The following TSPAN5 variants were observed in gnomAD, a reference collection of about 807,000 sequenced individuals.
TSPAN5 encodes tetraspanin-5.
Under a neutral mutation model 37.1 loss-of-function variants are expected in TSPAN5, and 10 were observed. That is an observed-to-expected ratio of 0.27 (90% CI 0.17 to 0.46). TSPAN5 has a LOEUF of 0.46. Ranked by LOEUF, TSPAN5 falls within the 20% of genes least tolerant of loss-of-function variation. The pLI is 1.00. For missense variants in TSPAN5, 195 were observed against 326.6 expected (o/e 0.60, Z 3.11); for synonymous variants, 110 against 118.9 (o/e 0.93, Z 0.48).
rs184927713 is a variant in TSPAN5 at position 98,642,640 on chromosome 4, T to A, written c.81+15506A>T. On this transcript the variant is annotated intron_variant, in intron 1 of 7. Coordinates refer to ENST00000305798, the MANE Select transcript of TSPAN5 (RefSeq NM_005723.4). ...CACATATCTACAGTCCCACACTACA[T>A]AACGACATTTTAATCAATGACGGAA... 1.1e-3 allele frequency among the ~76,000 whole-genome samples: 166 copies of A among 152,244 alleles called. 1 individual carries two copies. Among genetic ancestry groups the A allele is most frequent in the African/African-American group, 3.8e-3 (159 of 41,568 alleles).
chr4:98,470,566 C>T lies in TSPAN5; in HGVS notation c.*1956G>A, dbSNP rs543034109. On this transcript the variant is annotated 3_prime_UTR_variant, in exon 8 of 8. Coordinates refer to ENST00000305798, the MANE Select transcript of TSPAN5 (RefSeq NM_005723.4). The stretch of plus-strand genomic sequence containing the variant: ...GTTCACTGGAGAATGAGGCAATCAA[C>T]AAAAAAGACAAATGATGCCAACTGG... The T allele has an allele frequency of 6.6e-6, 1 of 152,252 alleles. No homozygotes were observed. The highest frequency in any genetic ancestry group is 1.5e-5 in the Non-Finnish European group (1 of 68,012). 9.4% of individuals were successfully genotyped at this position (152,252 alleles called of 1,614,324 possible).
chr4:98,573,972 T>C (rs777047771), intron 1 of TSPAN5, among the ~76,000 whole-genome samples: 1 of 152,154 alleles, frequency 6.6e-6, no homozygotes, highest in Non-Finnish European at 1.5e-5. Context: ...ACAAAATTAA[T>C]CTGATCCTTG....
intron 1 of TSPAN5, among the ~76,000 whole-genome samples, chr4:98,524,172 C>T (rs1753912199): frequency 6.6e-6 from 1 of 152,182 alleles, no homozygotes; most frequent in African/African-American, 2.4e-5. Flanking sequence ...ACCGAAATAG[C>T]ATATACTATG....
At chr4:98,475,218 G>T in intron 7 of TSPAN5, among the ~76,000 whole-genome samples, 1 of 152,182 alleles carries the variant, frequency 6.6e-6, no homozygotes, top group East Asian at 1.9e-4. Context: ...TTACAATTTT[G>T]ATAGGGATTA....
At chr4:98,533,540 T>C (rs1470567711) in intron 1 of TSPAN5, among the ~76,000 whole-genome samples, 3 of 124,886 alleles carry the variant, frequency 2.4e-5, no homozygotes, top group Non-Finnish European at 4.9e-5. Flanking sequence ...ATATCCCCTA[T>C]ATCTTTTTTT....
intron 3 of TSPAN5, chr4:98,485,486 A>G (rs1415283006): frequency 1.3e-5 from 2 of 152,208 alleles, no homozygotes; most frequent in Non-Finnish European, 2.9e-5. Flanking sequence ...GGTCCCATGT[A>G]TCCACAAGAG....
chr4:98,639,350 C>T (rs559592922), intron 1 of TSPAN5, among the ~76,000 whole-genome samples: 37 of 152,288 alleles, frequency 2.4e-4, no homozygotes, highest in Non-Finnish European at 3.7e-4. Flanking sequence ...CAAGGTTTTG[C>T]TCTGTCGCCC....
chr4:98,598,810 G>A (rs1755817589), intron 1 of TSPAN5, among the ~76,000 whole-genome samples: 1 of 152,122 alleles, frequency 6.6e-6, no homozygotes, highest in African/African-American at 2.4e-5. Flanking sequence ...GTATTTGAGA[G>A]AGAGTCTCAT....
At chr4:98,521,417 T>C (rs1025042382) in intron 1 of TSPAN5, among the ~76,000 whole-genome samples, 2 of 152,210 alleles carry the variant, frequency 1.3e-5, no homozygotes, top group East Asian at 3.9e-4. Context: ...ATGTATCACC[T>C]GGCCCTCTCT....
chr4:98,636,180 T>C (rs1421490691), intron 1 of TSPAN5, among the ~76,000 whole-genome samples: 1 of 152,190 alleles, frequency 6.6e-6, no homozygotes, highest in Non-Finnish European at 1.5e-5. Context: ...AATAAGGGCA[T>C]AATGTGGCAG....
At chr4:98,549,200 C>T (rs1268843738) in intron 1 of TSPAN5, among the ~76,000 whole-genome samples, 9 of 152,176 alleles carry the variant, frequency 5.9e-5, no homozygotes, top group African/African-American at 2.2e-4. Context: ...CACATGCTCA[C>T]CAACATCTGT....
At chr4:98,536,006 C>A (rs1754224042) in intron 1 of TSPAN5, among the ~76,000 whole-genome samples, 1 of 152,138 alleles carries the variant, frequency 6.6e-6, no homozygotes, top group African/African-American at 2.4e-5. Context: ...TCTGTTATTA[C>A]CCACCTTCTG....
At chr4:98,546,774 T>C (rs1209285220) in intron 1 of TSPAN5, among the ~76,000 whole-genome samples, 1 of 152,204 alleles carries the variant, frequency 6.6e-6, no homozygotes, top group East Asian at 1.9e-4. Flanking sequence ...GCAATGTATT[T>C]TCCTGAGGAA....
chr4:98,528,428 T>C (rs1161847054), intron 1 of TSPAN5, among the ~76,000 whole-genome samples: 1 of 152,022 alleles, frequency 6.6e-6, no homozygotes, highest in African/African-American at 2.4e-5. Flanking sequence ...TTTTTTTTTT[T>C]TTTGCTGTCA....
At chr4:98,647,772 T>G (rs934581076) in intron 1 of TSPAN5, among the ~76,000 whole-genome samples, 2 of 152,072 alleles carry the variant, frequency 1.3e-5, no homozygotes, top group African/African-American at 4.8e-5. Flanking sequence ...CAATCCTCTA[T>G]GTACATATGG....
intron 1 of TSPAN5, among the ~76,000 whole-genome samples, chr4:98,532,232 T>G (rs1754110782): frequency 6.6e-6 from 1 of 152,220 alleles, no homozygotes; most frequent in Non-Finnish European, 1.5e-5. Context: ...GTGAAGAAAG[T>G]CATTGGTAGC....
chr4:98,536,407 A>C (rs1754234458), intron 1 of TSPAN5, among the ~76,000 whole-genome samples: 1 of 152,194 alleles, frequency 6.6e-6, no homozygotes, highest in Admixed American at 6.5e-5. Flanking sequence ...GCCAGATGCC[A>C]GCCAGAGCTC....
intron 1 of TSPAN5, among the ~76,000 whole-genome samples, chr4:98,628,274 T>C (rs1756653592): frequency 1.3e-5 from 2 of 151,834 alleles, no homozygotes; most frequent in South Asian, 4.2e-4. Context: ...ATTTTTTAAA[T>C]ACAGAAAAAA....
chr4:98,533,939 T>TAAAAAA (rs1194318640), intron 1 of TSPAN5, among the ~76,000 whole-genome samples: 1,222 of 31,062 alleles, frequency 0.039, 101 homozygotes, highest in African/African-American at 0.059. Flanking sequence ...TTGTTGATCT[T>TAAAAAA]AAAAAAAAAA....
Sources: allele counts gnomAD v4.1 joint callset (sites outside exome capture counted in the v4.1 genomes callset), GRCh38; gene constraint gnomAD v4.1.1; transcripts MANE v1.5; gene names NCBI Gene and HGNC (gene_info 2026-07-23, HGNC 2026-07-21).